Variants in PGM2 observed in about 807,000 individuals in gnomAD.
PGM2 encodes the protein phosphopentomutase.
Under a neutral mutation model 74.6 loss-of-function variants are expected in PGM2, and 57 were observed. That is an observed-to-expected ratio of 0.76 (90% CI 0.62 to 0.95). The LOEUF is 0.95. Among genes scored for constraint, PGM2 ranks in the 40% least tolerant of loss-of-function variants. The pLI, the probability that PGM2 is intolerant of heterozygous loss-of-function variation, is 0.00. For missense variants in PGM2, 706 were observed against 741.9 expected, an observed-to-expected ratio of 0.95 and a Z score of 0.56; for synonymous variants, 273 against 260.7, an observed-to-expected ratio of 1.05 and a Z score of -0.46.
At chr4:37,854,800 A>T (rs751792068) in intron 12 of PGM2, among the ~76,000 whole-genome samples, 6 of 152,122 alleles carry the variant, frequency 3.9e-5, no homozygotes, top group Non-Finnish European at 5.9e-5. Context: ...ATATCTTGTG[A>T]AATGATGTGT....
In PGM2 at chr4:37,832,845, G is replaced by T. The variant is rs1414291761; in HGVS notation, c.250-1773G>T. On this transcript the variant is annotated intron_variant, in intron 2 of 13. Transcript: ENST00000381967. ...TCATACACATAAACTTGCTTCTTAT[G>T]TTTTATAATAACATTTTATTTCTGA... Among the ~76,000 whole-genome samples, 5 of 152,240 alleles carry T rather than the reference G, an allele frequency of 3.3e-5. No individual in the cohort carries two copies. The East Asian group carries it at 7.7e-4, about 23-fold the overall frequency.
At chr4:37,851,141 A>G (rs1341542667) in intron 12 of PGM2, among the ~76,000 whole-genome samples, 1 of 152,216 alleles carries the variant, frequency 6.6e-6, no homozygotes, top group Non-Finnish European at 1.5e-5. Context: ...TTTCTATCTC[A>G]GGATCCAGCA....
chr4:37,834,548 C>T (rs1725515214), intron 2 of PGM2, 70 bp from the exon 3 acceptor site: 3 of 758,336 alleles, frequency 4.0e-6, no homozygotes, highest in Non-Finnish European at 6.5e-6. Context: ...TAATTTTTGG[C>T]TAATTTTTCT....
chr4:37,834,638 A>G lies in PGM2; in HGVS notation c.270A>G (p.Glu90=), dbSNP rs1190052908. The part of the protein sequence containing the change: ...QTTQGFCRYL[E]KQFSDLKQKG... ...TGTAGGGATTTTGCAGATACCTGGA[A>G]AAACAATTCAGTGACTTAAAGCAGA... Residue 90 remains glutamate, a synonymous_variant, in exon 3 of 14, where the codon GAA becomes GAG. Coordinates refer to ENST00000381967, the MANE Select transcript of PGM2 (RefSeq NM_018290.4). 3 of 1,589,646 alleles carry G rather than the reference A, an allele frequency of 1.9e-6. No individual in the cohort carries two copies. The South Asian group carries it at 3.3e-5, about 18-fold the overall frequency.
chr4:37,856,851 A>G (rs1309479375), intron 13 of PGM2, among the ~76,000 whole-genome samples: 1 of 152,192 alleles, frequency 6.6e-6, no homozygotes, highest in Non-Finnish European at 1.5e-5. Flanking sequence ...GGTGAAATTA[A>G]TTTCAATAAT....
intron 2 of PGM2, among the ~76,000 whole-genome samples, chr4:37,830,458 G>A (rs1044621166): frequency 6.6e-6 from 1 of 152,148 alleles, no homozygotes; most frequent in Non-Finnish European, 1.5e-5. Flanking sequence ...CACCAACTAA[G>A]CTGACAACTT....
rs745921242 is a variant in PGM2 at position 37,848,510 on chromosome 4, G to C, written c.1283-12G>C. The C allele has an allele frequency of 1.2e-6, 2 of 1,610,214 alleles. No homozygotes were observed. Among genetic ancestry groups the C allele is most frequent in the Non-Finnish European group, 8.5e-7 (1 of 1,177,528 alleles). On this transcript the variant is annotated splice_polypyrimidine_tract_variant and intron_variant, in intron 10 of 13. Coordinates refer to ENST00000381967, the MANE Select transcript of PGM2 (RefSeq NM_018290.4). ...TATTGTATAGATGTATGTATGACGT[G>C]TGTTTCTGCAGGATACATGTGCTGC...
intron 6 of PGM2, 69 bp from the exon 7 acceptor site, chr4:37,844,295 T>G: frequency 1.0e-6 from 1 of 971,808 alleles, no homozygotes; most frequent in African/African-American, 1.6e-5. Flanking sequence ...TGTGCATTCT[T>G]GCAAACCTTG....
At chr4:37,827,005 G>T (rs1168351871) in intron 1 of PGM2, among the ~76,000 whole-genome samples, 192 bp downstream of exon 1, 1 of 152,260 alleles carries the variant, frequency 6.6e-6, no homozygotes, top group Non-Finnish European at 1.5e-5. Flanking sequence ...CACGTTCAGA[G>T]TTAGGCCGGG....
At chr4:37,849,024 C>G (rs904431866) in intron 11 of PGM2, among the ~76,000 whole-genome samples, 1 of 149,596 alleles carries the variant, frequency 6.7e-6, no homozygotes, top group African/African-American at 2.5e-5. Context: ...GAGCCGAGAT[C>G]GCGCCATTGC....
chr4:37,837,687 T>C (rs1725604385), intron 4 of PGM2, 74 bp downstream of exon 4: 2 of 905,968 alleles, frequency 2.2e-6, no homozygotes, highest in South Asian at 1.3e-5. Flanking sequence ...TTATAGTCTT[T>C]AGGGCTATTG....
At chr4:37,835,993 G>T (rs1725557717) in intron 3 of PGM2, among the ~76,000 whole-genome samples, 1 of 152,230 alleles carries the variant, frequency 6.6e-6, no homozygotes, top group Non-Finnish European at 1.5e-5. Context: ...ACTAAATCGT[G>T]ACCGTGTTCC....
At chr4:37,841,100 A>ATATATATATATATT (rs1202149456) in intron 6 of PGM2, among the ~76,000 whole-genome samples, 1 of 115,786 alleles carries the variant, frequency 8.6e-6, no homozygotes, top group Admixed American at 1.1e-4. Flanking sequence ...ATATATATAT[A>ATATATATATATATT]TGTGTGTGTG....
chr4:37,830,101 G>A lies in PGM2; in HGVS notation c.219G>A (p.Met73Ile). 1 of 1,593,306 alleles carries A rather than the reference G, an allele frequency of 6.3e-7. No homozygotes were observed. The highest frequency in any genetic ancestry group is 8.5e-7 in the Non-Finnish European group (1 of 1,170,206). ...CTATGGGACCTGGAATTTCTCGTAT[G>A]AATGACTTGACCATCATCCAGACTA... ...RAAMGPGISR[M>I]NDLTIIQTTQ... is the part of the protein sequence containing the mutation. Residue 73 changes from methionine (M) to isoleucine (I), a missense_variant, in exon 2 of 14, where the codon ATG (methionine) becomes ATA (isoleucine). Physicochemically the swap from Met to Ile is conservative, Grantham distance 10 (BLOSUM62 1). Around this residue, in one of 3 missense-constraint regions of PGM2, gnomAD observed 332 missense variants for 334.9 expected, o/e 0.99. Coordinates refer to ENST00000381967, the MANE Select transcript of PGM2 (RefSeq NM_018290.4).
chr4:37,845,726 G>A lies in PGM2; in HGVS notation c.1003G>A (p.Asp335Asn), dbSNP rs1560417145. ...ADRLAVAEKQ[D>N]SGEWRVFSGN... ...TAGACTTGCTGTGGCAGAAAAGCAA[G>A]ACAGGTAAAATTAATTGTGATTACC... Residue 335 changes from aspartate to asparagine, a missense_variant, in exon 8 of 14, where the codon GAC becomes AAC. Asp to Asn is a conservative substitution (Grantham distance 23). This residue lies in a region of PGM2 where 359 missense variants were observed against 371.1 expected (regional missense o/e 0.97). Transcript: ENST00000381967. 1 of 1,595,236 alleles carries A rather than the reference G, an allele frequency of 6.3e-7. No homozygotes were observed. The highest frequency in any genetic ancestry group is 1.3e-5 in the African/African-American group (1 of 74,670).
At chr4:37,849,125 T>TA (rs1471160122) in intron 11 of PGM2, among the ~76,000 whole-genome samples, 3 of 151,806 alleles carry the variant, frequency 2.0e-5, no homozygotes, top group Admixed American at 2.0e-4. Flanking sequence ...TTCCTTTTGA[T>TA]ATGTAACAAG....
intron 11 of PGM2, among the ~76,000 whole-genome samples, chr4:37,849,354 C>T (rs1293969551): frequency 1.4e-5 from 2 of 146,728 alleles, no homozygotes; most frequent in Non-Finnish European, 3.0e-5. Flanking sequence ...CAAATGCAGG[C>T]GGAAGACCAG....
chr4:37,853,922 A>G (rs1259311215), intron 12 of PGM2, among the ~76,000 whole-genome samples: 1 of 152,186 alleles, frequency 6.6e-6, no homozygotes, highest in African/African-American at 2.4e-5. Context: ...AGGGCAAGGA[A>G]CCGGGATGGT....
At chr4:37,843,847 G>C (rs1449518730) in intron 6 of PGM2, among the ~76,000 whole-genome samples, 1 of 152,030 alleles carries the variant, frequency 6.6e-6, no homozygotes, top group Non-Finnish European at 1.5e-5. Context: ...GACCTCACAC[G>C]ATCCACCTGC....
Sources: gnomAD v4.1 joint callset for allele counts (sites outside exome capture counted in the v4.1 genomes callset) on GRCh38, gnomAD v4.1.1 for gene constraint, gnomAD v4.1.1 regional missense constraint, MANE v1.5 for transcripts, NCBI Gene and HGNC (gene_info 2026-07-23, HGNC 2026-07-21) for gene names.